The following GNE variants were observed in gnomAD, a reference collection of about 807,000 sequenced individuals.
The protein encoded by GNE is glucosamine (UDP-N-acetyl)-2-epimerase/N-acetylmannosamine kinase.
In GNE, 41 loss-of-function variants were observed where a neutral mutation model predicts 61.8. The ratio of observed to expected loss-of-function variants is 0.66; its 90% CI spans 0.52 to 0.86. The LOEUF (loss-of-function observed/expected upper bound fraction) is 0.86, where lower values mean the gene tolerates loss of function less well. Among genes scored for constraint, GNE ranks in the 40% least tolerant of loss-of-function variants. GNE has a pLI of 0.00. For missense variants in GNE, 608 were observed against 909.1 expected (o/e 0.67, Z 4.26); for synonymous variants, 264 against 326.4 (o/e 0.81, Z 2.06).
chr9:36,238,795 C>T (rs192914095), intron 3 of GNE, among the ~76,000 whole-genome samples: 120 of 152,282 alleles, frequency 7.9e-4, no homozygotes, highest in African/African-American at 2.8e-3. Flanking sequence ...GGTTCTTGGT[C>T]ATGAAATCCT....
chr9:36,252,993 T>C (rs1327567623), intron 1 of GNE, among the ~76,000 whole-genome samples: 1 of 152,100 alleles, frequency 6.6e-6, no homozygotes, highest in African/African-American at 2.4e-5. Flanking sequence ...ACCCCATCTC[T>C]ACTAAACATA....
chr9:36,236,737 TAA>T (rs1829410218), intron 4 of GNE, 93 bp downstream of exon 4: 2 of 1,075,170 alleles, frequency 1.9e-6, no homozygotes, highest in Non-Finnish European at 2.9e-6. Flanking sequence ...CCTTCAATGA[TAA>T]GATGAGCAAG....
At chr9:36,240,820 C>T (rs1306423011) in intron 3 of GNE, among the ~76,000 whole-genome samples, 5 of 151,956 alleles carry the variant, frequency 3.3e-5, no homozygotes, top group African/African-American at 9.7e-5. Flanking sequence ...TTACCATTTC[C>T]ATCTTGCTGC....
chr9:36,222,992 GA>G lies in GNE; in HGVS notation c.1417del (p.Ser473ProfsTer6), dbSNP rs1057516965. The G allele has an allele frequency of 1.2e-6, 2 of 1,613,388 alleles. No individual in the cohort carries two copies. The highest frequency in any genetic ancestry group is 1.7e-6 in the Non-Finnish European group (2 of 1,179,734). ...LNCRILGVGISTGGRVNPREG... is the reference protein window; with the variant it reads ...LNCRILGVGIXTGGRVNPREG... ...CCGAGGATTTACACGGCCACCTGTGGAAATGCCTGCGCTCCACCACAAACAC... is the reference window on the plus strand; with the variant it reads ...CCGAGGATTTACACGGCCACCTGTGGAATGCCTGCGCTCCACCACAAACAC... On this transcript the variant is annotated frameshift_variant, in exon 9 of 12. Transcript: ENST00000642385. LOFTEE classifies it high-confidence loss of function.
intron 7 of GNE, among the ~76,000 whole-genome samples, chr9:36,226,778 G>T (rs542817080): frequency 6.6e-6 from 1 of 152,242 alleles, no homozygotes; most frequent in African/African-American, 2.4e-5. Flanking sequence ...TGATGGTTTG[G>T]TTAACAGATT....
chr9:36,215,384 C>T lies in GNE; in HGVS notation c.*1981G>A, dbSNP rs1177484318. 6.6e-6 allele frequency: 1 copy of T among 152,168 alleles called. No homozygotes were observed. Among genetic ancestry groups the T allele is most frequent in the Non-Finnish European group, 1.5e-5 (1 of 68,032 alleles). 9.4% of individuals were successfully genotyped at this position (152,168 alleles called of 1,614,324 possible). ...AATTTCACAGCAGAGAGGAATATTT[C>T]ATTAAATTCAGCTGATAGGGTCAAG... On this transcript the variant is annotated 3_prime_UTR_variant, in exon 12 of 12. Transcript: ENST00000642385.
At chr9:36,266,675 C>T (rs1399134971) in intron 1 of GNE, among the ~76,000 whole-genome samples, 2 of 152,020 alleles carry the variant, frequency 1.3e-5, no homozygotes, top group African/African-American at 4.8e-5. Context: ...TTTGGGAGGC[C>T]GAGGCAGGCG....
At chr9:36,219,428 T>C (rs1410417415) in intron 10 of GNE, among the ~76,000 whole-genome samples, 1 of 150,142 alleles carries the variant, frequency 6.7e-6, no homozygotes, top group African/African-American at 2.5e-5. Context: ...AAATTGGTTT[T>C]GGGGGCCAAA....
intron 1 of GNE, among the ~76,000 whole-genome samples, chr9:36,274,091 T>TGTGTGTGA (rs1253450033): frequency 4.7e-5 from 7 of 150,482 alleles, no homozygotes; most frequent in African/African-American, 1.5e-4. Context: ...TGTGTGTGTG[T>TGTGTGTGA]GTGTGTGTGT....
intron 7 of GNE, among the ~76,000 whole-genome samples, chr9:36,226,237 ATCTTGG>A (rs1828858313): frequency 2.0e-5 from 3 of 152,044 alleles, no homozygotes; most frequent in Non-Finnish European, 4.4e-5. Flanking sequence ...CAGTGGTGCG[ATCTTGG>A]CTCACTGTAA....
At chr9:36,258,240 TG>T in intron 1 of GNE, 80 bp downstream of exon 1, 2 of 821,928 alleles carry the variant, frequency 2.4e-6, no homozygotes, top group Non-Finnish European at 2.9e-6. Flanking sequence ...AGGGGAGGCC[TG>T]GGGCAGGAGG....
chr9:36,269,115 G>A (rs1388004681), intron 1 of GNE, among the ~76,000 whole-genome samples: 3 of 147,184 alleles, frequency 2.0e-5, no homozygotes, highest in Non-Finnish European at 4.5e-5. Context: ...GGGCAACAGA[G>A]CGAGACTCCG....
At chr9:36,242,434 T>C (rs1319433662) in intron 3 of GNE, among the ~76,000 whole-genome samples, 2 of 152,244 alleles carry the variant, frequency 1.3e-5, no homozygotes, top group African/African-American at 2.4e-5. Context: ...CTGTTTTTTG[T>C]TTTGAGACGG....
chr9:36,246,461 TTCAA>T lies in GNE; in HGVS notation c.182_185del (p.Ile61AsnfsTer15), dbSNP rs1444208046. ...TGGTGTTAATGTCAAAGTCATCTTG[TTCAA>T]TCATTCGATATGTATTTCTAAAGCC... is the stretch of plus-strand genomic sequence containing the variant. On this transcript the variant is annotated frameshift_variant, in exon 3 of 12. Coordinates refer to ENST00000642385, the MANE Select transcript of GNE (RefSeq NM_005476.7). LOFTEE classifies it high-confidence loss of function. The T allele has an allele frequency of 5.6e-6, 9 of 1,613,028 alleles. No individual in the cohort carries two copies. Among genetic ancestry groups the T allele is most frequent in the Non-Finnish European group, 7.6e-6 (9 of 1,179,302 alleles).
intron 1 of GNE, among the ~76,000 whole-genome samples, chr9:36,264,714 C>T (rs1485873603): frequency 6.6e-6 from 1 of 152,152 alleles, no homozygotes; most frequent in Non-Finnish European, 1.5e-5. Flanking sequence ...AAACATGGGG[C>T]TTGCAACTTA....
Position 36,238,247 on chromosome 9 carries a change from G to A in GNE, c.617-1263C>T, listed in dbSNP as rs142438315. Among the ~76,000 whole-genome samples the A allele has an allele frequency of 3.4e-4, 52 of 152,248 alleles. No homozygotes were observed. The East Asian group carries it at 8.5e-3, about 25-fold the overall frequency. ...GTGAATTGTGCTGCTATAAACATGC[G>A]TGTGCAAGTATCTTTTTCAAATAAT... On this transcript the variant is annotated intron_variant, in intron 3 of 11. Transcript: ENST00000642385.
chr9:36,249,129 C>A (rs879071662), intron 2 of GNE, 63 bp downstream of exon 2: 174 of 1,410,254 alleles, frequency 1.2e-4, no homozygotes, highest in African/African-American at 2.8e-5. Context: ...CATATGGCTA[C>A]AAAACCCAAG....
chr9:36,243,147 C>G (rs1014526206), intron 3 of GNE, among the ~76,000 whole-genome samples: 1 of 152,088 alleles, frequency 6.6e-6, no homozygotes, highest in Non-Finnish European at 1.5e-5. Flanking sequence ...CAGACTCAAG[C>G]AATCCTCCCA....
At position 36,219,943 on chromosome 9, in the gene GNE, C is replaced by T. The variant is rs1237062588; in HGVS notation, c.1711G>A (p.Val571Ile). The T allele has an allele frequency of 3.1e-6, 5 of 1,614,076 alleles. No individual in the cohort carries two copies. The highest frequency in any genetic ancestry group is 4.2e-6 in the Non-Finnish European group (5 of 1,180,024). ...SFCAAELGHL[V>I]VSLDGPDCSC... is the part of the protein sequence containing the mutation. ...CAATCAGGCCCATCCAGAGACACAA[C>T]AAGGTGGCCCAGTTCTGCAGCACAG... is the stretch of plus-strand genomic sequence containing the variant. Residue 571 changes from valine (V) to isoleucine (I), a missense_variant, in exon 10 of 12, where the codon GTT becomes ATT. By Grantham distance (29) the Val-to-Ile change is conservative. Transcript: ENST00000642385.
Sources: allele counts gnomAD v4.1 joint callset (sites outside exome capture counted in the v4.1 genomes callset), GRCh38; gene constraint gnomAD v4.1.1; transcripts MANE v1.5; gene names NCBI Gene and HGNC (gene_info 2026-07-23, HGNC 2026-07-21).